The following FBXL17 variants were observed in gnomAD, a reference collection of about 807,000 sequenced individuals.
FBXL17 encodes the protein F-box and leucine rich repeat protein 17.
FBXL17 carries 22 observed loss-of-function variants against 66.2 expected under a neutral mutation model. That is an observed-to-expected ratio of 0.33 (90% CI 0.24 to 0.47). The LOEUF (loss-of-function observed/expected upper bound fraction) is 0.47. Among genes scored for constraint, FBXL17 ranks in the 20% least tolerant of loss-of-function variants. The pLI is 1.00. For synonymous variants in FBXL17, 474 were observed against 400.5 expected, an observed-to-expected ratio of 1.18 and a Z score of -2.19; for missense variants, 878 against 948.2, an observed-to-expected ratio of 0.93 and a Z score of 0.97.
chr5:107,916,564 A>G (rs549826568), intron 7 of FBXL17, among the ~76,000 whole-genome samples: 37 of 152,094 alleles, frequency 2.4e-4, no homozygotes, highest in Non-Finnish European at 4.7e-4. Context: ...AAGATATTCA[A>G]CAATAAATAG....
intron 6 of FBXL17, among the ~76,000 whole-genome samples, chr5:108,102,886 TG>T (rs1749654611): frequency 6.6e-6 from 1 of 152,214 alleles, no homozygotes; most frequent in African/African-American, 2.4e-5. Flanking sequence ...AATTTTCTCA[TG>T]GCATTTTTTT....
At chr5:108,178,643 T>C (rs1352288037) in intron 6 of FBXL17, among the ~76,000 whole-genome samples, 1 of 152,182 alleles carries the variant, frequency 6.6e-6, no homozygotes, top group Non-Finnish European at 1.5e-5. Context: ...AAATTCAGTT[T>C]TACTAAAGCT....
chr5:108,031,056 A>G (rs936608520), intron 6 of FBXL17, among the ~76,000 whole-genome samples: 4 of 152,136 alleles, frequency 2.6e-5, no homozygotes, highest in Non-Finnish European at 4.4e-5. Flanking sequence ...GAGCAATTCA[A>G]TGACATATCG....
chr5:107,954,952 A>G (rs1751613307), intron 7 of FBXL17, among the ~76,000 whole-genome samples: 1 of 152,166 alleles, frequency 6.6e-6, no homozygotes, highest in Non-Finnish European at 1.5e-5. Context: ...GCCACCCAGG[A>G]AATTCAATCT....
At chr5:108,210,852 G>C (rs1040254345) in intron 5 of FBXL17, among the ~76,000 whole-genome samples, 5 of 151,840 alleles carry the variant, frequency 3.3e-5, no homozygotes, top group African/African-American at 9.7e-5. Context: ...CTGAGTTCAA[G>C]TTCTGAGTAT....
At position 107,964,219 on chromosome 5, in the gene FBXL17, A is replaced by G. The variant is rs565945730; in HGVS notation, c.1822+56706T>C. On this transcript the variant is annotated intron_variant, in intron 7 of 8. Transcript: ENST00000542267. ...TTCATCCAAATGGATAATTTTGCCC[A>G]AAGAGATCACTTTGTCATATGTGCT... Among the ~76,000 whole-genome samples, 3 of 152,254 alleles carry G rather than the reference A, an allele frequency of 2.0e-5. No homozygotes were observed. In the East Asian group the frequency reaches 5.8e-4, roughly 29 times the overall value.
rs376362662 is a variant in FBXL17 at position 108,337,969 on chromosome 5, T to C, written c.1506+10430A>G. On this transcript the variant is annotated intron_variant, in intron 4 of 8. Transcript: ENST00000542267. ...AAAAGCTTAAAACAATGAAAAACTA[T>C]AGAATGTATACTAGATCTGATGAAA... is the stretch of plus-strand genomic sequence containing the variant. 1.3e-3 allele frequency among the ~76,000 whole-genome samples: 192 copies of C among 152,090 alleles called. 1 individual carries two copies. Among genetic ancestry groups the C allele is most frequent in the African/African-American group, 4.0e-3 (165 of 41,504 alleles).
intron 6 of FBXL17, among the ~76,000 whole-genome samples, chr5:108,061,169 C>T (rs1047795530): frequency 3.9e-5 from 6 of 152,004 alleles, no homozygotes; most frequent in African/African-American, 7.3e-5. Context: ...TGCCTGTAAT[C>T]CCAGCTACTC....
intron 4 of FBXL17, among the ~76,000 whole-genome samples, chr5:108,321,810 T>A (rs984094787): frequency 1.1e-4 from 16 of 151,440 alleles, no homozygotes; most frequent in Non-Finnish European, 2.9e-5. Context: ...ATAACTCCAA[T>A]CACATATGAA....
chr5:108,332,941 C>CAAAAA (rs34218940), intron 4 of FBXL17, among the ~76,000 whole-genome samples: 35 of 34,750 alleles, frequency 1.0e-3, no homozygotes, highest in East Asian at 1.9e-3. Flanking sequence ...AAAGCAAAAG[C>CAAAAA]AAAAAAAAAA....
At chr5:108,258,363 A>G (rs950460977) in intron 4 of FBXL17, among the ~76,000 whole-genome samples, 11 of 152,166 alleles carry the variant, frequency 7.2e-5, no homozygotes, top group African/African-American at 1.9e-4. Flanking sequence ...CACCCAGTCT[A>G]TGGTATTTCA....
chr5:107,896,136 G>A lies in FBXL17; in HGVS notation c.1823-14957C>T, dbSNP rs543327665. Reference sequence around the variant, plus strand: ...TGACTGTAAAAAAGAATTGCTGGATGTGCCTTTCTGGATGGGGATACTCAC... The same window carrying A: ...TGACTGTAAAAAAGAATTGCTGGATATGCCTTTCTGGATGGGGATACTCAC... On this transcript the variant is annotated intron_variant, in intron 7 of 8. Coordinates refer to ENST00000542267, the MANE Select transcript of FBXL17 (RefSeq NM_001163315.3). Among the ~76,000 whole-genome samples, 5 of 152,268 alleles carry A rather than the reference G, an allele frequency of 3.3e-5. No homozygotes were observed. In the East Asian group the frequency reaches 9.6e-4, roughly 29 times the overall value.
chr5:107,891,055 G>GACCA (rs1580687609), intron 7 of FBXL17, among the ~76,000 whole-genome samples: 1 of 152,266 alleles, frequency 6.6e-6, no homozygotes, highest in East Asian at 1.9e-4. Context: ...ATAAAGCAGA[G>GACCA]ACCAGGATGA....
intron 4 of FBXL17, among the ~76,000 whole-genome samples, chr5:108,292,962 G>C (rs1580758481): frequency 6.6e-6 from 1 of 151,834 alleles, no homozygotes; most frequent in Non-Finnish European, 1.5e-5. Flanking sequence ...ATGCTGGCGG[G>C]TGCCTGTAGT....
chr5:108,130,858 C>T (rs114938678), intron 6 of FBXL17, among the ~76,000 whole-genome samples: 1,990 of 152,118 alleles, frequency 0.013, 39 homozygotes, highest in African/African-American at 0.044. Flanking sequence ...ATCTAAAAGA[C>T]TGACTTTGAA....
chr5:108,142,336 A>G (rs777636175), intron 6 of FBXL17, among the ~76,000 whole-genome samples: 50 of 152,278 alleles, frequency 3.3e-4, no homozygotes, highest in African/African-American at 1.2e-3. Context: ...CTGTTTTGGT[A>G]CTTTTTTCTC....
intron 4 of FBXL17, among the ~76,000 whole-genome samples, chr5:108,240,258 G>A (rs1755797238): frequency 1.3e-5 from 2 of 152,102 alleles, no homozygotes; most frequent in South Asian, 2.1e-4. Context: ...TGGTCTATTG[G>A]CATCCCTGAT....
At chr5:107,965,574 C>A (rs1046813790) in intron 7 of FBXL17, among the ~76,000 whole-genome samples, 4 of 152,090 alleles carry the variant, frequency 2.6e-5, no homozygotes, top group Non-Finnish European at 5.9e-5. Flanking sequence ...AGATAAGATC[C>A]TTTGAAACTA....
At chr5:108,205,056 T>G (rs1754059491) in intron 5 of FBXL17, among the ~76,000 whole-genome samples, 1 of 151,090 alleles carries the variant, frequency 6.6e-6, no homozygotes. Flanking sequence ...GACCATAGCA[T>G]GTGCCACCAT....
Sources: allele counts gnomAD v4.1 joint callset (sites outside exome capture counted in the v4.1 genomes callset), GRCh38; gene constraint gnomAD v4.1.1; transcripts MANE v1.5; gene names NCBI Gene and HGNC (gene_info 2026-07-23, HGNC 2026-07-21).